TBC1D30: variants seen among roughly 807,000 people sequenced by gnomAD.
The protein encoded by TBC1D30 is TBC1 domain family member 30, also known as TBC1 domain family, member 30.
In TBC1D30, 31 loss-of-function variants were observed where a neutral mutation model predicts 63.2. That is an observed-to-expected ratio of 0.49 (90% CI 0.37 to 0.66). The LOEUF is 0.66. Among genes scored for constraint, TBC1D30 ranks in the 30% least tolerant of loss-of-function variants. The pLI is 0.00. For missense variants in TBC1D30, 810 were observed against 953.6 expected (o/e 0.85, Z 1.98); for synonymous variants, 307 against 361.5 (o/e 0.85, Z 1.71).
intron 3 of TBC1D30, among the ~76,000 whole-genome samples, chr12:64,830,005 A>G (rs1874699645): frequency 6.6e-6 from 1 of 152,238 alleles, no homozygotes; most frequent in Non-Finnish European, 1.5e-5. Context: ...CTCTTGCCTA[A>G]GTATGGAGAG....
chr12:64,763,021 T>C (rs1870573966), intron 1 of TBC1D30, among the ~76,000 whole-genome samples: 8 of 152,186 alleles, frequency 5.3e-5, no homozygotes, highest in Admixed American at 4.6e-4. Flanking sequence ...CTGTCTGCGC[T>C]CTTGGCTCAC....
intron 1 of TBC1D30, among the ~76,000 whole-genome samples, chr12:64,767,554 T>C (rs1306026149): frequency 6.6e-6 from 1 of 152,118 alleles, no homozygotes; most frequent in East Asian, 1.9e-4. Flanking sequence ...TCATACAGAA[T>C]GAACAACAAA....
At chr12:64,759,672 C>T (rs1376326163) in intron 1 of TBC1D30, 2 of 205,730 alleles carry the variant, frequency 9.7e-6, no homozygotes, top group Non-Finnish European at 2.0e-5. Flanking sequence ...CGCGCAGGCT[C>T]GGGTTGCGTT....
rs117336003 is a variant in TBC1D30 at position 64,843,750 on chromosome 12, G to A, written c.1038+265G>A. Among the ~76,000 whole-genome samples the A allele has an allele frequency of 1.8e-4, 28 of 152,218 alleles. No homozygotes were observed. In the East Asian group the frequency reaches 5.2e-3, roughly 28 times the overall value. On this transcript the variant is annotated intron_variant, in intron 8 of 11. Transcript: ENST00000539867. ...GCAATATAAACTGGAAAAATACACT[G>A]GAAAAACAAAATCACCAAGTGCTTA...
At chr12:64,850,694 T>A (rs1341038306) in intron 8 of TBC1D30, among the ~76,000 whole-genome samples, 1 of 152,170 alleles carries the variant, frequency 6.6e-6, no homozygotes, top group East Asian at 1.9e-4. Context: ...TATTGAGGAT[T>A]TTTGCATCGA....
chr12:64,839,734 C>T (rs556351719), intron 7 of TBC1D30, among the ~76,000 whole-genome samples: 20 of 152,126 alleles, frequency 1.3e-4, no homozygotes, highest in East Asian at 7.7e-4. Context: ...CGGCCGAGCG[C>T]GGTAGCTCAC....
chr12:64,843,611 C>T, intron 8 of TBC1D30, 126 bp downstream of exon 8: 1 of 646,298 alleles, frequency 1.5e-6, no homozygotes, highest in Non-Finnish European at 2.7e-6. Context: ...TCAAATTGAC[C>T]AAGAGTCTGT....
chr12:64,786,038 G>A (rs1353755195), exon 2 of TBC1D30: 1 of 1,286,414 alleles, frequency 7.8e-7, no homozygotes, highest in Non-Finnish European at 1.0e-6. Context: ...CTGTGTCACA[G>A]AAGAGAAGTA....
chr12:64,767,707 T>C (rs1870762509), intron 1 of TBC1D30, among the ~76,000 whole-genome samples: 1 of 139,570 alleles, frequency 7.2e-6, no homozygotes, highest in Admixed American at 8.3e-5. Flanking sequence ...ATCCAATACA[T>C]TGATGACATC....
chr12:64,813,282 C>T (rs1025659196), intron 2 of TBC1D30, among the ~76,000 whole-genome samples: 92 of 151,854 alleles, frequency 6.1e-4, no homozygotes, highest in African/African-American at 2.2e-3. Context: ...CCCAGCTACT[C>T]GGGAGGGTGA....
rs374796421 is a variant in TBC1D30, at chr12:64,864,338, A to G, written c.1039-330A>G. On this transcript the variant is annotated intron_variant, in intron 8 of 11. Coordinates refer to ENST00000539867, the MANE Select transcript of TBC1D30 (RefSeq NM_015279.2). ...AGGACATTTGTGAGTTCTTTGATAC[A>G]GAAGACATAGGGAGCTGTGGATTTC... 4.1e-4 allele frequency among the ~76,000 whole-genome samples: 63 copies of G among 152,346 alleles called. 1 individual carries two copies. In the South Asian group the frequency reaches 0.013, roughly 32 times the overall value.
intron 1 of TBC1D30, among the ~76,000 whole-genome samples, chr12:64,762,933 T>TA (rs1442384552): frequency 6.6e-6 from 1 of 152,206 alleles, no homozygotes; most frequent in African/African-American, 2.4e-5. Flanking sequence ...CTCTATCAAA[T>TA]ATCCTCTTAA....
chr12:64,786,958 TAAATAA>T (rs746535663), intron 2 of TBC1D30, among the ~76,000 whole-genome samples: 13 of 151,386 alleles, frequency 8.6e-5, no homozygotes, highest in South Asian at 4.2e-4. Flanking sequence ...AAAAAATAAA[TAAATAA>T]AAATAAAAAT....
intron 2 of TBC1D30, among the ~76,000 whole-genome samples, chr12:64,786,777 C>T (rs1298269122): frequency 6.6e-6 from 1 of 151,610 alleles, no homozygotes; most frequent in Admixed American, 6.6e-5. Context: ...ATGGTGAAAC[C>T]CCATCTCTAC....
intron 2 of TBC1D30, among the ~76,000 whole-genome samples, chr12:64,817,331 T>C (rs1873603692): frequency 6.6e-6 from 1 of 152,232 alleles, no homozygotes; most frequent in South Asian, 2.1e-4. Flanking sequence ...ATTCTCACCG[T>C]AACTCAAATA....
chr12:64,870,907 C>G (rs905196546), intron 11 of TBC1D30, 99 bp downstream of exon 11: 31 of 1,171,648 alleles, frequency 2.6e-5, no homozygotes, highest in Non-Finnish European at 3.6e-5. Context: ...CTAACTGTAG[C>G]TCAGTATCCA....
intron 2 of TBC1D30, among the ~76,000 whole-genome samples, chr12:64,806,614 ATGG>A (rs1020157880): frequency 2.0e-5 from 3 of 152,224 alleles, no homozygotes; most frequent in African/African-American, 7.2e-5. Flanking sequence ...GGAAAACAGT[ATGG>A]TGGTTCCTCA....
chr12:64,771,642 C>G (rs905870767), intron 1 of TBC1D30, among the ~76,000 whole-genome samples: 9 of 152,122 alleles, frequency 5.9e-5, no homozygotes, highest in Admixed American at 2.6e-4. Context: ...GAGGAAAAAG[C>G]CCCAACTTGG....
chr12:64,864,648 T>G lies in TBC1D30; in HGVS notation c.1039-20T>G. 6.7e-7 allele frequency: 1 copy of G among 1,501,502 alleles called. No individual in the cohort carries two copies. The highest frequency in any genetic ancestry group is 9.0e-7 in the Non-Finnish European group (1 of 1,115,206). The allele number at this position is 1,501,502 out of a possible 1,614,324, so 93.0% of individuals were successfully genotyped here. A position where few individuals can be genotyped will look rare whatever the true frequency, so the allele number is the denominator to read the frequency against. On this transcript the variant is annotated intron_variant, in intron 8 of 11. Coordinates refer to ENST00000539867, the MANE Select transcript of TBC1D30 (RefSeq NM_015279.2). ...GAAGGCTACTGTTTCAGACTTGGCA[T>G]TTTTGCTTTTGTTTTACAGACTGTT...
Sources: allele counts gnomAD v4.1 joint callset (sites outside exome capture counted in the v4.1 genomes callset), GRCh38; gene constraint gnomAD v4.1.1; transcripts MANE v1.5; gene names NCBI Gene and HGNC (gene_info 2026-07-23, HGNC 2026-07-21).